QTRT2: variants seen among roughly 807,000 people sequenced by gnomAD.
QTRT2 encodes queuine tRNA-ribosyltransferase accessory subunit 2.
In QTRT2, 32 loss-of-function variants were observed where a neutral mutation model predicts 44.8. That is an observed-to-expected ratio of 0.71 (90% confidence interval 0.54 to 0.96). The LOEUF is 0.96. QTRT2 is among the 40% of genes least tolerant of loss of function. The pLI is 0.00. For missense variants in QTRT2, 461 were observed against 503.1 expected, an observed-to-expected ratio of 0.92 and a Z score of 0.80; for synonymous variants, 182 against 187.4, an observed-to-expected ratio of 0.97 and a Z score of 0.24.
intron 2 of QTRT2, among the ~76,000 whole-genome samples, chr3:114,064,520 C>G (rs911718485): frequency 6.6e-6 from 1 of 152,040 alleles, no homozygotes; most frequent in African/African-American, 2.4e-5. Context: ...TTTTTTTTCC[C>G]TGTATATCTA....
intron 4 of QTRT2, among the ~76,000 whole-genome samples, chr3:114,066,988 TG>T (rs2076962334): frequency 6.6e-6 from 1 of 152,240 alleles, no homozygotes; most frequent in Non-Finnish European, 1.5e-5. Context: ...AGCTTAGCAG[TG>T]ACAGCTAGAA....
At chr3:114,063,485 A>G (rs1182210634) in intron 2 of QTRT2, among the ~76,000 whole-genome samples, 1 of 152,144 alleles carries the variant, frequency 6.6e-6, no homozygotes, top group East Asian at 1.9e-4. Context: ...ATGTAAAAAA[A>G]TAGCTTTTAT....
At position 114,088,301 on chromosome 3, in the gene QTRT2, G is replaced by A. The variant is rs377576576; in HGVS notation, c.*2397G>A. ...AAAAATATTCCTTTCCTTTATTGTAGTAAATCTATTAAAGGCAATAGCCAA... is the reference window on the plus strand; with the variant it reads ...AAAAATATTCCTTTCCTTTATTGTAATAAATCTATTAAAGGCAATAGCCAA... On this transcript the variant is annotated 3_prime_UTR_variant, in exon 10 of 10. Transcript: ENST00000281273. 1.3e-5 allele frequency: 2 copies of A among 151,884 alleles called. No individual in the cohort carries two copies. Among genetic ancestry groups the A allele is most frequent in the East Asian group, 1.9e-4 (1 of 5,182 alleles). 9.4% of individuals were successfully genotyped at this position (151,884 alleles called of 1,614,324 possible).
rs566114572 is a variant in QTRT2, at chr3:114,085,606, G to C, written c.1017-67G>C. ...CACTGGTAACTTTACCAGCAGAATA[G>C]ATAGCTGAGGTTGTGGATTTCTTGT... On this transcript the variant is annotated intron_variant, in intron 9 of 9. Coordinates refer to ENST00000281273, the MANE Select transcript of QTRT2 (RefSeq NM_024638.4). 32 of 1,314,598 alleles carry C rather than the reference G, an allele frequency of 2.4e-5. No individual in the cohort carries two copies. The Admixed American group carries it at 3.4e-4, about 14-fold the overall frequency. The allele number at this position is 1,314,598 out of a possible 1,614,324, so 81.4% of individuals were successfully genotyped here.
chr3:114,057,546 G>C (rs1453233701), intron 2 of QTRT2: 2 of 152,238 alleles, frequency 1.3e-5, no homozygotes, highest in African/African-American at 2.4e-5. Flanking sequence ...CCCTCGGACT[G>C]TTGCAGCGAT....
At chr3:114,073,050 AT>A (rs1240243200) in intron 6 of QTRT2, among the ~76,000 whole-genome samples, 6 of 152,344 alleles carry the variant, frequency 3.9e-5, no homozygotes, top group African/African-American at 1.4e-4. Flanking sequence ...TAAAAATATA[AT>A]TTGGCTAATA....
intron 9 of QTRT2, among the ~76,000 whole-genome samples, chr3:114,084,101 T>G (rs2077204305): frequency 6.6e-6 from 1 of 151,510 alleles, no homozygotes; most frequent in Middle Eastern, 3.4e-3. Flanking sequence ...GTAGCTCTGT[T>G]GCCCAGGCCA....
Position 114,086,148 on chromosome 3 carries a change from C to G in QTRT2, c.*244C>G. The G allele has an allele frequency of 2.2e-6, 1 of 448,564 alleles. No homozygotes were observed. The highest frequency in any genetic ancestry group is 2.2e-5 in the South Asian group (1 of 44,510). 27.8% of individuals were successfully genotyped at this position (448,564 alleles called of 1,614,324 possible). A position where few individuals can be genotyped will look rare whatever the true frequency, so the allele number is the denominator to read the frequency against. ...GACCTTTAAGACTTCTAGACTAATT[C>G]TTTTAGTTGATAGAGATTCATTTAG... is the stretch of plus-strand genomic sequence containing the variant. On this transcript the variant is annotated 3_prime_UTR_variant, in exon 10 of 10. Coordinates refer to ENST00000281273, the MANE Select transcript of QTRT2 (RefSeq NM_024638.4).
intron 2 of QTRT2, among the ~76,000 whole-genome samples, chr3:114,062,639 T>C (rs750350000): frequency 3.3e-5 from 5 of 152,210 alleles, no homozygotes; most frequent in Middle Eastern, 3.2e-3. Context: ...TGGGGTTTGT[T>C]GTTTTTACCT....
chr3:114,065,463 T>G lies in QTRT2; in HGVS notation c.200+6T>G, dbSNP rs1470905457. 7 of 1,604,552 alleles carry G rather than the reference T, an allele frequency of 4.4e-6. No individual in the cohort carries two copies. The East Asian group carries it at 1.6e-4, about 36-fold the overall frequency. ...CAGCTTACGCTGTCATCCCTGTAAG[T>G]GTTAGAACCAATGATTCAAGTATCA... On this transcript the variant is annotated splice_donor_region_variant and intron_variant, in intron 3 of 9. Transcript: ENST00000281273.
chr3:114,064,609 T>C (rs2076928676), intron 2 of QTRT2, among the ~76,000 whole-genome samples: 1 of 152,240 alleles, frequency 6.6e-6, no homozygotes, highest in Non-Finnish European at 1.5e-5. Context: ...AATGACACTT[T>C]GCTTATGGAT....
chr3:114,060,797 A>T (rs1005597281), intron 2 of QTRT2, among the ~76,000 whole-genome samples: 3 of 152,104 alleles, frequency 2.0e-5, no homozygotes, highest in African/African-American at 7.2e-5. Flanking sequence ...CCAGCATCAC[A>T]ACTCTTGTGC....
At chr3:114,065,547 A>G in intron 3 of QTRT2, 90 bp downstream of exon 3, 3 of 937,820 alleles carry the variant, frequency 3.2e-6, no homozygotes, top group Admixed American at 5.4e-5. Flanking sequence ...TTTTTTGTTC[A>G]TATATATAAA....
chr3:114,065,179 T>C (rs942661980), intron 2 of QTRT2, 58 bp from the exon 3 acceptor site: 2 of 1,185,054 alleles, frequency 1.7e-6, no homozygotes, highest in African/African-American at 3.1e-5. Flanking sequence ...TTTTGCAAAA[T>C]GCTTGGCCTC....
intron 6 of QTRT2, among the ~76,000 whole-genome samples, chr3:114,075,342 T>G (rs2077075010): frequency 6.6e-6 from 1 of 152,222 alleles, no homozygotes; most frequent in Admixed American, 6.5e-5. Context: ...TGTTTGAATT[T>G]CATATTTACG....
chr3:114,056,987 T>C lies in QTRT2; in HGVS notation c.-129-12T>C, dbSNP rs537055040. On this transcript the variant is annotated splice_polypyrimidine_tract_variant and intron_variant, in intron 1 of 9. Transcript: ENST00000281273. Reference sequence around the variant, plus strand: ...TGTACTCCCGCCATGTCTCCTCTGCTTCCCTTTTCAGGGTGTCCTGGTGGA... The same window carrying C: ...TGTACTCCCGCCATGTCTCCTCTGCCTCCCTTTTCAGGGTGTCCTGGTGGA... 68 of 1,451,318 alleles carry C rather than the reference T, an allele frequency of 4.7e-5. No individual in the cohort carries two copies. In the African/African-American group the frequency reaches 7.1e-4, roughly 15 times the overall value. The allele number at this position is 1,451,318 out of a possible 1,614,324, so 89.9% of individuals were successfully genotyped here. A position where few individuals can be genotyped will look rare whatever the true frequency, so the allele number is the denominator to read the frequency against.
At chr3:114,076,486 C>T (rs1264050627) in intron 6 of QTRT2, among the ~76,000 whole-genome samples, 2 of 152,150 alleles carry the variant, frequency 1.3e-5, no homozygotes, top group Non-Finnish European at 2.9e-5. Context: ...TTAATCTAAG[C>T]CAGAACAAGA....
chr3:114,078,689 C>T (rs2077125295), intron 7 of QTRT2: 1 of 152,122 alleles, frequency 6.6e-6, no homozygotes, highest in African/African-American at 2.4e-5. Flanking sequence ...TTTTTCAGAT[C>T]CTGGAATATT....
chr3:114,083,268 TTTG>T (rs944027128), intron 9 of QTRT2, among the ~76,000 whole-genome samples: 4 of 150,548 alleles, frequency 2.7e-5, no homozygotes, highest in East Asian at 2.0e-4. Context: ...ATTTCTTTTC[TTTG>T]TTGTTGTTGT....
Sources: gnomAD v4.1 joint callset for allele counts (sites outside exome capture counted in the v4.1 genomes callset) on GRCh38, gnomAD v4.1.1 for gene constraint, MANE v1.5 for transcripts, NCBI Gene and HGNC (gene_info 2026-07-23, HGNC 2026-07-21) for gene names.